CCR5AS: variants seen among roughly 807,000 people sequenced by gnomAD.
CCR5AS encodes CCR5 antisense RNA.
chr3:46,376,172 A>G (rs1289084331), intron 2 of CCR5AS: 1 of 166,780 alleles, frequency 6.0e-6, no homozygotes, highest in Non-Finnish European at 1.5e-5. Context: ...CTTGAAAGAA[A>G]ATATGCATCT....
intron 1 of CCR5AS, among the ~76,000 whole-genome samples, chr3:46,405,902 C>G (rs1702041318): frequency 6.7e-6 from 1 of 150,374 alleles, no homozygotes; most frequent in Non-Finnish European, 1.5e-5. Context: ...GAGACAGTGT[C>G]TCGCTCTGCC....
At chr3:46,393,703 A>C in intron 1 of CCR5AS, among the ~76,000 whole-genome samples, 1 of 152,196 alleles carries the variant, frequency 6.6e-6, no homozygotes, top group East Asian at 1.9e-4. Context: ...TAGGAGCCAG[A>C]GAGGTCAAGA....
chr3:46,386,634 T>C (rs2106766269), intron 2 of CCR5AS, among the ~76,000 whole-genome samples: 2 of 152,322 alleles, frequency 1.3e-5, no homozygotes, highest in South Asian at 4.1e-4. Context: ...AACAGTGCAA[T>C]GCAGAGCACT....
intron 2 of CCR5AS, among the ~76,000 whole-genome samples, chr3:46,386,612 T>C (rs867601254): frequency 1.2e-4 from 19 of 152,176 alleles, no homozygotes; most frequent in African/African-American, 4.3e-4. Context: ...GGGAAAGGAA[T>C]TGTTGCACAT....
Position 46,374,035 on chromosome 3 carries a change from G to C in CCR5AS, n.392-2618C>G, listed in dbSNP as rs1701717039. 5 of 1,117,052 alleles carry C rather than the reference G, an allele frequency of 4.5e-6. No individual in the cohort carries two copies. In the East Asian group the frequency reaches 1.2e-4, roughly 27 times the overall value. 69.2% of individuals were successfully genotyped at this position (1,117,052 alleles called of 1,614,324 possible). A position where few individuals can be genotyped will look rare whatever the true frequency, so the allele number is the denominator to read the frequency against. On this transcript the variant is annotated intron_variant and non_coding_transcript_variant, in intron 2 of 3. Coordinates refer to ENST00000451485, the Ensembl canonical transcript of CCR5AS. ...TAGTTTTCATACACAGCCTGGGCTG[G>C]GGGTGGGGTGGGAGAGGTCTTTTTT...
chr3:46,403,255 C>G (rs1702018142), intron 1 of CCR5AS, among the ~76,000 whole-genome samples: 1 of 152,084 alleles, frequency 6.6e-6, no homozygotes, highest in Admixed American at 6.5e-5. Context: ...GGGTGTATAC[C>G]CAGTAATGGG....
At chr3:46,381,810 C>CT (rs1318910903) in intron 2 of CCR5AS, among the ~76,000 whole-genome samples, 1 of 152,216 alleles carries the variant, frequency 6.6e-6, no homozygotes. Flanking sequence ...AGGGCAGGGA[C>CT]TTGAAAGTCA....
intron 1 of CCR5AS, among the ~76,000 whole-genome samples, chr3:46,402,785 A>C (rs974814185): frequency 1.3e-5 from 2 of 152,198 alleles, no homozygotes; most frequent in African/African-American, 4.8e-5. Flanking sequence ...AAAGCTTGTT[A>C]CGTAGGTAAC....
At chr3:46,372,869 G>T (rs1343653405) in intron 2 of CCR5AS, 12 of 1,487,342 alleles carry the variant, frequency 8.1e-6, no homozygotes, top group South Asian at 1.3e-5. Flanking sequence ...CTTTATAAAA[G>T]ATCACTTTTT....
chr3:46,366,644 G>T (rs751554190), intron 3 of CCR5AS, among the ~76,000 whole-genome samples: 20 of 152,332 alleles, frequency 1.3e-4, no homozygotes, highest in Non-Finnish European at 1.9e-4. Flanking sequence ...CCTGGGAAAG[G>T]TCTACAGGAC....
At chr3:46,377,957 G>T (rs913066754) in intron 2 of CCR5AS, among the ~76,000 whole-genome samples, 1 of 151,988 alleles carries the variant, frequency 6.6e-6, no homozygotes, top group African/African-American at 2.4e-5. Flanking sequence ...TGCCCGCCTC[G>T]GCCTCCCACC....
chr3:46,402,814 G>A (rs35336434), intron 1 of CCR5AS, among the ~76,000 whole-genome samples: 2,423 of 152,248 alleles, frequency 0.016, 33 homozygotes, highest in Non-Finnish European at 0.024. Flanking sequence ...ATGAGGGTTT[G>A]TTGTACAAAT....
intron 1 of CCR5AS, among the ~76,000 whole-genome samples, chr3:46,404,095 C>T (rs1398438447): frequency 6.6e-6 from 1 of 152,118 alleles, no homozygotes; most frequent in Admixed American, 6.5e-5. Context: ...AGCCTCACAT[C>T]CTTTGCCTTT....
In CCR5AS at chr3:46,367,310, A is replaced by C. The variant is rs145098819; in HGVS notation, n.566-2265T>G. 2.0e-3 allele frequency among the ~76,000 whole-genome samples: 309 copies of C among 151,924 alleles called. 1 individual carries two copies. Among genetic ancestry groups the C allele is most frequent in the African/African-American group, 6.9e-3 (284 of 41,426 alleles). On this transcript the variant is annotated intron_variant and non_coding_transcript_variant, in intron 3 of 3. Transcript: ENST00000451485. Reference sequence around the variant, plus strand: ...CTCAATAAAAATAATAAAGAACTACACTTATAAAGAATTTTTTAATAATAT... The same window carrying C: ...CTCAATAAAAATAATAAAGAACTACCCTTATAAAGAATTTTTTAATAATAT...
At chr3:46,383,805 T>C (rs946527991) in intron 2 of CCR5AS, among the ~76,000 whole-genome samples, 1 of 152,196 alleles carries the variant, frequency 6.6e-6, no homozygotes, top group Non-Finnish European at 1.5e-5. Context: ...CAGCTCAACA[T>C]TCAGCATTCA....
intron 2 of CCR5AS, chr3:46,375,620 C>T (rs1487995327): frequency 6.1e-6 from 1 of 165,056 alleles, no homozygotes; most frequent in African/African-American, 2.5e-5. Flanking sequence ...TTAAAACCCA[C>T]AAAAGTACAA....
intron 1 of CCR5AS, chr3:46,406,851 A>C (rs1239876855): frequency 6.6e-6 from 1 of 152,230 alleles, no homozygotes; most frequent in East Asian, 1.9e-4. Flanking sequence ...GTCTTAACCA[A>C]AGCACACAGT....
chr3:46,385,785 G>A (rs1291988710), intron 2 of CCR5AS, among the ~76,000 whole-genome samples: 1 of 151,748 alleles, frequency 6.6e-6, no homozygotes, highest in African/African-American at 2.4e-5. Context: ...CTGTCACCCA[G>A]GCTGGAGTGC....
At chr3:46,400,608 G>A (rs1701998525) in intron 1 of CCR5AS, among the ~76,000 whole-genome samples, 2 of 152,222 alleles carry the variant, frequency 1.3e-5, no homozygotes, top group South Asian at 4.1e-4. Context: ...ACAAACCTCA[G>A]CTGGGCACTA....
Sources: allele counts gnomAD v4.1 joint callset (sites outside exome capture counted in the v4.1 genomes callset), GRCh38; gene constraint gnomAD v4.1.1; transcripts MANE v1.5; gene names NCBI Gene and HGNC (gene_info 2026-07-23, HGNC 2026-07-21).